SLC35D4: variants seen among roughly 807,000 people sequenced by gnomAD.
The protein encoded by SLC35D4 is solute carrier family 35 member D4.
At chr18:23,256,226 G>A in the SLC35D4 span, among the ~76,000 whole-genome samples, 1 of 152,230 alleles carries the variant, frequency 6.6e-6, no homozygotes, top group Admixed American at 6.5e-5. Context: ...CAAACATGAG[G>A]CCCTCCCTGT....
chr18:23,299,597 A>G, the SLC35D4 span, among the ~76,000 whole-genome samples: 16 of 152,172 alleles, frequency 1.1e-4, no homozygotes, highest in African/African-American at 3.9e-4. Flanking sequence ...TACAGCAGTA[A>G]TTTCTTACAA....
At chr18:23,253,836 T>C in the SLC35D4 span, 1 of 1,614,182 alleles carries the variant, frequency 6.2e-7, no homozygotes, top group Non-Finnish European at 8.5e-7. Flanking sequence ...AAGGGGAAAC[T>C]CAACAAACAG....
At chr18:23,357,166 TA>T in the SLC35D4 span, among the ~76,000 whole-genome samples, 1 of 151,810 alleles carries the variant, frequency 6.6e-6, no homozygotes, top group African/African-American at 2.4e-5. Context: ...GCCTTATATC[TA>T]AAAAAAGGTC....
chr18:23,279,496 T>A, the SLC35D4 span, among the ~76,000 whole-genome samples: 2 of 152,214 alleles, frequency 1.3e-5, no homozygotes, highest in Admixed American at 1.3e-4. Flanking sequence ...CCTCCGAATG[T>A]GACCTTATTT....
chr18:23,364,934 G>GAATT, the SLC35D4 span, among the ~76,000 whole-genome samples: 79,865 of 88,884 alleles, frequency 0.9, 38,264 homozygotes, highest in East Asian at 0.94. Context: ...AAAAAAAAAA[G>GAATT]GACTCCTTTC....
chr18:23,335,538 A>T, the SLC35D4 span, among the ~76,000 whole-genome samples: 36 of 152,334 alleles, frequency 2.4e-4, no homozygotes, highest in African/African-American at 8.4e-4. Context: ...GGTCTTTAAA[A>T]AGAAAACCGA....
the SLC35D4 span, among the ~76,000 whole-genome samples, chr18:23,343,207 C>A: frequency 6.6e-6 from 1 of 151,984 alleles, no homozygotes. Context: ...CAGGCATAAG[C>A]CACTATGTCT....
chr18:23,361,335 A>T, the SLC35D4 span, among the ~76,000 whole-genome samples: 1 of 151,694 alleles, frequency 6.6e-6, no homozygotes, highest in Non-Finnish European at 1.5e-5. Flanking sequence ...CTAGATAGCA[A>T]GTGTAATAAG....
the SLC35D4 span, among the ~76,000 whole-genome samples, chr18:23,299,171 G>A: frequency 2.0e-5 from 3 of 152,186 alleles, no homozygotes; most frequent in Admixed American, 6.5e-5. Context: ...GTGATCTTGC[G>A]TACGTTTTCA....
the SLC35D4 span, among the ~76,000 whole-genome samples, chr18:23,333,479 G>T: frequency 6.6e-6 from 1 of 152,240 alleles, no homozygotes; most frequent in Non-Finnish European, 1.5e-5. Context: ...CTGCCAAAGT[G>T]TTGTACTCCC....
At chr18:23,309,084 A>G in the SLC35D4 span, among the ~76,000 whole-genome samples, 1 of 152,162 alleles carries the variant, frequency 6.6e-6, no homozygotes, top group Non-Finnish European at 1.5e-5. Context: ...AATAGTTGTT[A>G]TACTGTACTG....
the SLC35D4 span, chr18:23,370,115 G>T: frequency 2.1e-6 from 2 of 956,904 alleles, no homozygotes; most frequent in Non-Finnish European, 3.0e-6. Flanking sequence ...GGGGGTGGAG[G>T]GTGCGGTGAG....
chr18:23,307,508 C>T, the SLC35D4 span, among the ~76,000 whole-genome samples: 21 of 152,328 alleles, frequency 1.4e-4, no homozygotes, highest in African/African-American at 4.8e-4. Context: ...CCCACCCGAT[C>T]GCTTCATTCT....
At chr18:23,399,899 T>C in the SLC35D4 span, among the ~76,000 whole-genome samples, 1 of 152,352 alleles carries the variant, frequency 6.6e-6, no homozygotes, top group African/African-American at 2.4e-5. Context: ...GGCAAACGCC[T>C]TGCTGCAGCT....
chr18:23,428,891 C>G, the SLC35D4 span, among the ~76,000 whole-genome samples: 3 of 152,192 alleles, frequency 2.0e-5, no homozygotes, highest in Non-Finnish European at 4.4e-5. Flanking sequence ...ATCTTTATGT[C>G]CATGTGTACC....
At chr18:23,370,424 C>T in the SLC35D4 span, 1 of 642,220 alleles carries the variant, frequency 1.6e-6, no homozygotes, top group Non-Finnish European at 2.7e-6. Context: ...AGAAGACCAT[C>T]AACATTTGGA....
At chr18:23,257,317 C>A in the SLC35D4 span, 1 of 1,613,948 alleles carries the variant, frequency 6.2e-7, no homozygotes, top group Non-Finnish European at 8.5e-7. Context: ...CCTCCACTTG[C>A]CCGAGCACGA....
the SLC35D4 span, among the ~76,000 whole-genome samples, chr18:23,314,851 C>T: frequency 6.6e-6 from 1 of 152,232 alleles, no homozygotes; most frequent in South Asian, 2.1e-4. Context: ...CAGCAGAACT[C>T]AATACGAGGT....
At chr18:23,364,902 C>CAAAAAAAAAAAA in the SLC35D4 span, among the ~76,000 whole-genome samples, 5 of 31,886 alleles carry the variant, frequency 1.6e-4, no homozygotes, top group Admixed American at 6.6e-4. Flanking sequence ...GACTCTGTCT[C>CAAAAAAAAAAAA]AAAAAAAAAA....
Sources: allele counts gnomAD v4.1 joint callset (sites outside exome capture counted in the v4.1 genomes callset), GRCh38; gene constraint gnomAD v4.1.1; transcripts MANE v1.5; gene names NCBI Gene and HGNC (gene_info 2026-07-23, HGNC 2026-07-21).